ZMAT4: variants seen among roughly 807,000 people sequenced by gnomAD.
ZMAT4 encodes zinc finger matrin-type protein 4.
ZMAT4 carries 17 observed loss-of-function variants against 28.7 expected under a neutral mutation model. The ratio of observed to expected loss-of-function variants is 0.59; its 90% CI spans 0.41 to 0.89. ZMAT4 has a LOEUF of 0.89. Among genes scored for constraint, ZMAT4 ranks in the 40% least tolerant of loss-of-function variants. The probability of loss-of-function intolerance (pLI) is 0.00; values close to 1 mark genes in which losing one functional copy is unlikely to be tolerated. For synonymous variants in ZMAT4, 117 were observed against 109.2 expected (o/e 1.07, Z -0.44); for missense variants, 240 against 283.8 (o/e 0.85, Z 1.11).
intron 6 of ZMAT4, among the ~76,000 whole-genome samples, chr8:40,543,396 G>T (rs892594857): frequency 3.3e-5 from 5 of 152,204 alleles, no homozygotes; most frequent in African/African-American, 1.2e-4. Context: ...TGTAGCGTCT[G>T]CTGTAGTCAA....
At chr8:40,754,995 G>A (rs1812616605) in intron 3 of ZMAT4, among the ~76,000 whole-genome samples, 1 of 152,068 alleles carries the variant, frequency 6.6e-6, no homozygotes, top group Non-Finnish European at 1.5e-5. Context: ...GAGCAACAGA[G>A]AGTGACCCTA....
intron 5 of ZMAT4, among the ~76,000 whole-genome samples, chr8:40,664,497 T>A (rs1349169550): frequency 6.6e-6 from 1 of 152,200 alleles, no homozygotes; most frequent in Non-Finnish European, 1.5e-5. Context: ...TTATCATCCA[T>A]CTGTCCTGCC....
intron 1 of ZMAT4, among the ~76,000 whole-genome samples, chr8:40,855,943 G>A (rs1051565800): frequency 4.0e-5 from 6 of 151,534 alleles, no homozygotes; most frequent in Non-Finnish European, 7.4e-5. Context: ...CACCCACCTC[G>A]ACCTCCCAAA....
intron 2 of ZMAT4, among the ~76,000 whole-genome samples, chr8:40,820,763 ATG>A (rs368965200): frequency 8.1e-6 from 1 of 123,190 alleles, no homozygotes; most frequent in African/African-American, 3.1e-5. Flanking sequence ...GTGCATATGC[ATG>A]TGTATATGTG....
chr8:40,622,335 GC>G (rs1173573943), intron 5 of ZMAT4, among the ~76,000 whole-genome samples: 1 of 152,170 alleles, frequency 6.6e-6, no homozygotes, highest in East Asian at 1.9e-4. Context: ...AAAGACCCTT[GC>G]CCCAAATGCC....
intron 3 of ZMAT4, among the ~76,000 whole-genome samples, chr8:40,697,927 G>A (rs1197125098): frequency 2.0e-5 from 3 of 152,130 alleles, no homozygotes; most frequent in Non-Finnish European, 4.4e-5. Flanking sequence ...AAGGAAAGCA[G>A]TCTCTAATTG....
intron 5 of ZMAT4, among the ~76,000 whole-genome samples, chr8:40,602,813 C>T (rs1157895818): frequency 6.6e-6 from 1 of 152,020 alleles, no homozygotes; most frequent in Non-Finnish European, 1.5e-5. Context: ...GACATTAGTC[C>T]TTCGTCAGAT....
In ZMAT4 at chr8:40,700,654, G is replaced by T. The variant is rs190322913; in HGVS notation, c.193-3253C>A. 4.6e-5 allele frequency among the ~76,000 whole-genome samples: 7 copies of T among 152,020 alleles called. No homozygotes were observed. In the East Asian group the frequency reaches 9.7e-4, roughly 21 times the overall value. On this transcript the variant is annotated intron_variant, in intron 3 of 6. Coordinates refer to ENST00000297737, the MANE Select transcript of ZMAT4 (RefSeq NM_024645.3). The stretch of plus-strand genomic sequence containing the variant: ...TTCCGGGCTGGCCTCGAACTCCTAG[G>T]CTCAAGCAATGCTCTTGCTTTGGCC...
At position 40,566,029 on chromosome 8, in the gene ZMAT4, C is replaced by T. The variant is rs78951137; in HGVS notation, c.674+15136G>A. Among the ~76,000 whole-genome samples the T allele has an allele frequency of 5.2e-3, 799 of 152,214 alleles. 8 individuals carry two copies. Among genetic ancestry groups the T allele is most frequent in the African/African-American group, 0.018 (764 of 41,526 alleles). ...AAAAATTACCTGAGCATTTTAAGGA[C>T]AAGAAATCAATTTATTTACTTGTCA... On this transcript the variant is annotated intron_variant, in intron 6 of 6. Transcript: ENST00000297737.
At chr8:40,731,115 A>G (rs540186321) in intron 3 of ZMAT4, among the ~76,000 whole-genome samples, 2 of 146,874 alleles carry the variant, frequency 1.4e-5, no homozygotes, top group Non-Finnish European at 3.1e-5. Context: ...CAGAGGTGCA[A>G]AGAGCTGGGG....
intron 5 of ZMAT4, among the ~76,000 whole-genome samples, chr8:40,670,821 C>A (rs1333550568): frequency 6.6e-6 from 1 of 152,160 alleles, no homozygotes; most frequent in Non-Finnish European, 1.5e-5. Context: ...GTAATCCCAG[C>A]ACTTTGGGAG....
intron 2 of ZMAT4, among the ~76,000 whole-genome samples, chr8:40,798,204 C>A (rs964820042): frequency 2.6e-5 from 4 of 152,200 alleles, no homozygotes; most frequent in African/African-American, 9.7e-5. Context: ...AATCCACACA[C>A]AAACCAGAGC....
At chr8:40,605,925 T>G (rs969111044) in intron 5 of ZMAT4, among the ~76,000 whole-genome samples, 1 of 152,230 alleles carries the variant, frequency 6.6e-6, no homozygotes, top group Admixed American at 6.5e-5. Context: ...CATTATACAA[T>G]GTCCCTCTTT....
At chr8:40,707,024 G>A (rs1585912268) in intron 3 of ZMAT4, among the ~76,000 whole-genome samples, 2 of 152,044 alleles carry the variant, frequency 1.3e-5, no homozygotes, top group African/African-American at 2.4e-5. Flanking sequence ...TTCAACTCTC[G>A]CTCTCCTCCA....
At chr8:40,740,066 C>G (rs1811936297) in intron 3 of ZMAT4, among the ~76,000 whole-genome samples, 1 of 152,186 alleles carries the variant, frequency 6.6e-6, no homozygotes, top group South Asian at 2.1e-4. Flanking sequence ...TGGGTTGGTT[C>G]CAAGTCTTTG....
chr8:40,819,051 G>T (rs1815648389), intron 2 of ZMAT4, among the ~76,000 whole-genome samples: 1 of 152,112 alleles, frequency 6.6e-6, no homozygotes. Context: ...TGCCCTTCCA[G>T]CTATTCCCCT....
chr8:40,611,206 C>G (rs550537438), intron 5 of ZMAT4, among the ~76,000 whole-genome samples: 1 of 152,124 alleles, frequency 6.6e-6, no homozygotes, highest in South Asian at 2.1e-4. Flanking sequence ...TGTGGAAAAT[C>G]TATTCAGGGC....
In ZMAT4 at chr8:40,559,928, G is replaced by A. The variant is rs111995164; in HGVS notation, c.674+21237C>T. ...AGAAATAATCCCTATGGCCCCTTTGGGATCAAACTTATGCAATAATCTTCC... is the reference window on the plus strand; with the variant it reads ...AGAAATAATCCCTATGGCCCCTTTGAGATCAAACTTATGCAATAATCTTCC... On this transcript the variant is annotated intron_variant, in intron 6 of 6. Transcript: ENST00000297737. Among the ~76,000 whole-genome samples the A allele has an allele frequency of 7.1e-3, 1,087 of 152,072 alleles. 10 individuals carry two copies. Among genetic ancestry groups the A allele is most frequent in the African/African-American group, 0.025 (1,028 of 41,472 alleles).
chr8:40,685,124 G>A (rs4130657), intron 4 of ZMAT4, among the ~76,000 whole-genome samples: 98,361 of 151,990 alleles, frequency 0.65, 32,080 homozygotes, highest in East Asian at 0.82. Flanking sequence ...TGCCATTTGG[G>A]AACTGCTGTT....
Sources: allele counts gnomAD v4.1 joint callset (sites outside exome capture counted in the v4.1 genomes callset), GRCh38; gene constraint gnomAD v4.1.1; transcripts MANE v1.5; gene names NCBI Gene and HGNC (gene_info 2026-07-23, HGNC 2026-07-21).